Variants in RASA3 observed in about 807,000 individuals in gnomAD.
RASA3 encodes RAS p21 protein activator 3, also known as ras GTPase-activating protein 3.
A neutral mutation model predicts 110.0 loss-of-function variants in RASA3; 73 were observed. The observed-to-expected ratio is 0.66, with a 90% CI of 0.55 to 0.81. The LOEUF (loss-of-function observed/expected upper bound fraction) is 0.81. Among genes scored for constraint, RASA3 ranks in the 30% least tolerant of loss-of-function variants. The pLI is 0.00. For missense variants in RASA3, 976 were observed against 1,113.2 expected, an observed-to-expected ratio of 0.88 and a Z score of 1.75; for synonymous variants, 500 against 451.4, an observed-to-expected ratio of 1.11 and a Z score of -1.37.
At chr13:114,000,436 T>A (rs144764365) in intron 19 of RASA3, among the ~76,000 whole-genome samples, 45 of 152,240 alleles carry the variant, frequency 3.0e-4, no homozygotes, top group Non-Finnish European at 5.1e-4. Flanking sequence ...TTTCCTAATC[T>A]AGATCTGAGC....
rs1594421305 is a variant in RASA3 at position 114,070,938 on chromosome 13, ACGC to A, written c.173+2779_173+2781del. 3.6e-5 allele frequency among the ~76,000 whole-genome samples: 4 copies of A among 112,322 alleles called. No homozygotes were observed. In the East Asian group the frequency reaches 8.2e-4, roughly 23 times the overall value. 73.7% of individuals were successfully genotyped at this position (112,322 alleles called of 152,430 possible). ...CACGTGGGCAGGGCTGCCGGCGTCC[ACGC>A]TAAACGGCGCCACAGTGTTACACGT... On this transcript the variant is annotated intron_variant, in intron 2 of 23. Transcript: ENST00000334062.
chr13:114,015,063 C>G (rs957057164), intron 14 of RASA3, 146 bp downstream of exon 14: 2 of 1,193,114 alleles, frequency 1.7e-6, no homozygotes, highest in African/African-American at 3.1e-5. Context: ...GGCACAAACC[C>G]CGGAAAAATC....
chr13:113,995,971 A>G (rs1224168501), intron 21 of RASA3, among the ~76,000 whole-genome samples: 15 of 36,088 alleles, frequency 4.2e-4, no homozygotes, highest in African/African-American at 7.3e-4. Flanking sequence ...CTGATGGGGG[A>G]CCCGGCTGAT....
chr13:114,054,065 G>A (rs1015672800), intron 2 of RASA3, among the ~76,000 whole-genome samples: 1 of 152,120 alleles, frequency 6.6e-6, no homozygotes, highest in Non-Finnish European at 1.5e-5. Context: ...GGCAGAGGTT[G>A]CAGTGAGCCA....
intron 2 of RASA3, among the ~76,000 whole-genome samples, chr13:114,061,735 C>G (rs1423015562): frequency 6.6e-6 from 1 of 151,964 alleles, no homozygotes; most frequent in African/African-American, 2.4e-5. Flanking sequence ...TCTATACTAG[C>G]CATGGAGTCT....
chr13:114,000,819 T>G lies in RASA3; in HGVS notation c.1849+7A>C. ...CAAGAGCCAGGGAAAGCGACCTTGC[T>G]CCTTACCTTTGCTTTTGTGGTAGGT... On this transcript the variant is annotated splice_region_variant and intron_variant, in intron 19 of 23. Coordinates refer to ENST00000334062, the MANE Select transcript of RASA3 (RefSeq NM_007368.4). 6.3e-7 allele frequency: 1 copy of G among 1,593,130 alleles called. No homozygotes were observed.
intron 21 of RASA3, among the ~76,000 whole-genome samples, chr13:113,993,252 T>G (rs1186085344): frequency 1.3e-5 from 2 of 152,140 alleles, no homozygotes; most frequent in Admixed American, 6.5e-5. Flanking sequence ...CTCAGCTCAC[T>G]GAAACCTACG....
At chr13:114,064,334 C>CCA (rs1364575226) in intron 2 of RASA3, among the ~76,000 whole-genome samples, 1 of 152,184 alleles carries the variant, frequency 6.6e-6, no homozygotes. Flanking sequence ...CAGGAAGTGG[C>CCA]CACAGCACCA....
chr13:114,131,616 G>A (rs2080521020), intron 1 of RASA3, among the ~76,000 whole-genome samples: 1 of 152,042 alleles, frequency 6.6e-6, no homozygotes, highest in South Asian at 2.1e-4. Context: ...CCACCAGCTC[G>A]CCCGCCACTT....
In RASA3 at chr13:114,030,418, A is replaced by G. The variant is rs1243868558; in HGVS notation, c.373-531T>C. The stretch of plus-strand genomic sequence containing the variant: ...AGGCAAGACTCACGCAGAGAGCAAG[A>G]CTCACACAGAGGGCAAGGCTCACAC... On this transcript the variant is annotated intron_variant, in intron 4 of 23. Transcript: ENST00000334062. Among the ~76,000 whole-genome samples the G allele has an allele frequency of 3.6e-4, 28 of 77,166 alleles. 1 individual carries two copies. The highest frequency in any genetic ancestry group is 1.0e-3 in the African/African-American group (25 of 25,088). The allele number at this position is 77,166 out of a possible 152,430, so 50.6% of individuals were successfully genotyped here. A position where few individuals can be genotyped will look rare whatever the true frequency, so the allele number is the denominator to read the frequency against.
At chr13:114,013,595 C>CCTCT (rs1244669762) in intron 14 of RASA3, among the ~76,000 whole-genome samples, 1 of 109,066 alleles carries the variant, frequency 9.2e-6, no homozygotes, top group Non-Finnish European at 1.8e-5. Context: ...TCTCTCTCTC[C>CCTCT]GTCTCTGGCT....
chr13:114,018,964 G>C (rs1234154482), intron 9 of RASA3, 45 bp from the exon 10 acceptor site: 8 of 1,608,088 alleles, frequency 5.0e-6, no homozygotes, highest in South Asian at 4.4e-5. Flanking sequence ...GGCTGCATCT[G>C]CCAAGGAGCA....
chr13:114,011,788 G>A lies in RASA3; in HGVS notation c.1513-540C>T, dbSNP rs922154502. On this transcript the variant is annotated intron_variant, in intron 15 of 23. Transcript: ENST00000334062. The surrounding 1 kb of genome is among the most constrained non-coding windows in gnomAD (Gnocchi z 4.8). ...AAATACAAAATTAGCTGGGCGTGGT[G>A]GCGCACGTCTGTAATCCAAGCTACT... Among the ~76,000 whole-genome samples the A allele has an allele frequency of 2.6e-5, 4 of 152,092 alleles. No homozygotes were observed. The highest frequency in any genetic ancestry group is 9.7e-5 in the African/African-American group (4 of 41,400).
At chr13:114,081,641 T>C (rs530211151) in intron 1 of RASA3, among the ~76,000 whole-genome samples, 1 of 152,294 alleles carries the variant, frequency 6.6e-6, no homozygotes, top group East Asian at 1.9e-4. Flanking sequence ...AAGAAGGCGA[T>C]TGCAGACAGG....
chr13:114,017,319 A>T lies in RASA3; in HGVS notation c.1124T>A (p.Leu375Gln). The change falls in exon 12 of 24, where the codon CTG becomes CAG. Residue 375 changes from leucine (L) to glutamine (Q), a missense_variant. Leu to Gln is a moderately radical substitution (Grantham distance 113). Around this residue, in one of 4 missense-constraint regions of RASA3, gnomAD observed 732 missense variants for 779.7 expected, o/e 0.94. Transcript: ENST00000334062. ...GGTCTCGTCGATGCACTTGGACGCC[A>T]GTGAGTTTCCTCGGAAGATGGTGTT... ...DPNTIFRGNSLASKCIDETMK... is the reference protein window; with the variant it reads ...DPNTIFRGNSQASKCIDETMK... 6.2e-7 allele frequency: 1 copy of T among 1,613,990 alleles called. No homozygotes were observed. Among genetic ancestry groups the T allele is most frequent in the South Asian group, 1.1e-5 (1 of 91,086 alleles).
At chr13:114,117,801 G>A (rs2080313161) in intron 1 of RASA3, among the ~76,000 whole-genome samples, 4 of 139,172 alleles carry the variant, frequency 2.9e-5, no homozygotes, top group Admixed American at 7.4e-5. Context: ...GTGTGTGAGG[G>A]GTGCATGTGT....
At chr13:114,024,659 C>G (rs895621823) in intron 7 of RASA3, among the ~76,000 whole-genome samples, 1 of 152,262 alleles carries the variant, frequency 6.6e-6, no homozygotes, top group Non-Finnish European at 1.5e-5. Flanking sequence ...CCTAAATGTC[C>G]GTCACCTGCG....
rs776215685 is a variant in RASA3, at chr13:114,018,083, C to T, written c.1091+21G>A. On this transcript the variant is annotated intron_variant, in intron 11 of 23. Transcript: ENST00000334062. ...GTAGCGGGTCCAGGCCGCTCTCCCC[C>T]GGGGCAGGGTGGGCACTCACTGGGT... The T allele has an allele frequency of 1.2e-4, 175 of 1,495,642 alleles. 1 individual carries two copies. Among genetic ancestry groups the T allele is most frequent in the Middle Eastern group, 1.9e-4 (1 of 5,382 alleles). 92.6% of individuals were successfully genotyped at this position (1,495,642 alleles called of 1,614,324 possible). A position where few individuals can be genotyped will look rare whatever the true frequency, so the allele number is the denominator to read the frequency against.
At chr13:114,004,932 T>G (rs571980704) in intron 18 of RASA3, among the ~76,000 whole-genome samples, 1 of 152,230 alleles carries the variant, frequency 6.6e-6, no homozygotes, top group African/African-American at 2.4e-5. Context: ...GACATGCTAC[T>G]CCACCATCAA....
Sources: allele counts gnomAD v4.1 joint callset (sites outside exome capture counted in the v4.1 genomes callset), GRCh38; gene constraint gnomAD v4.1.1; regional missense constraint gnomAD v4.1.1; non-coding constraint Gnocchi (gnomAD v3.1); transcripts MANE v1.5; gene names NCBI Gene and HGNC (gene_info 2026-07-23, HGNC 2026-07-21).